NPAS2: variants seen among roughly 807,000 people sequenced by gnomAD.
NPAS2 encodes the protein neuronal PAS domain protein 2.
Under a neutral mutation model 107.5 loss-of-function variants are expected in NPAS2, and 23 were observed. The observed-to-expected ratio is 0.21, with a 90% CI of 0.15 to 0.30. The LOEUF (loss-of-function observed/expected upper bound fraction) is 0.30, where lower values mean the gene tolerates loss of function less well. NPAS2 is among the 10% of genes least tolerant of loss of function. The pLI, the probability that NPAS2 is intolerant of heterozygous loss-of-function variation, is 1.00. For synonymous variants in NPAS2, 403 were observed against 417.5 expected, an observed-to-expected ratio of 0.97 and a Z score of 0.42; for missense variants, 756 against 1,043.3, an observed-to-expected ratio of 0.72 and a Z score of 3.79.
intron 11 of NPAS2, among the ~76,000 whole-genome samples, chr2:100,969,675 A>C (rs941200799): frequency 6.6e-6 from 1 of 152,142 alleles, no homozygotes; most frequent in African/African-American, 2.4e-5. Context: ...TGTTGTCATC[A>C]TGCAAACACC....
chr2:100,917,691 T>A (rs868849518), intron 2 of NPAS2, among the ~76,000 whole-genome samples: 138 of 152,302 alleles, frequency 9.1e-4, no homozygotes, highest in African/African-American at 3.1e-3. Flanking sequence ...TAGAGCCGCA[T>A]AAAATCCAAC....
chr2:100,937,574 C>T (rs13017718), intron 4 of NPAS2, among the ~76,000 whole-genome samples, 179 bp from the exon 5 acceptor site: 6,670 of 152,332 alleles, frequency 0.044, 193 homozygotes, highest in Middle Eastern at 0.12. Flanking sequence ...GGGCCAGACA[C>T]ATTTTCTGTA....
intron 1 of NPAS2, among the ~76,000 whole-genome samples, chr2:100,821,932 C>T (rs1052791457): frequency 1.3e-5 from 2 of 152,208 alleles, no homozygotes; most frequent in Admixed American, 1.3e-4. Context: ...TGGTATCTCT[C>T]AGCAGTCTAC....
At chr2:100,977,851 G>C (rs750688537) in intron 15 of NPAS2, 52 bp downstream of exon 15, 1 of 1,478,018 alleles carries the variant, frequency 6.8e-7, no homozygotes, top group Non-Finnish European at 9.5e-7. Flanking sequence ...GAAGTCCGCA[G>C]TGTGCTGCGC....
intron 1 of NPAS2, chr2:100,821,152 T>A (rs1396113696): frequency 1.1e-5 from 15 of 1,304,662 alleles, no homozygotes; most frequent in Non-Finnish European, 1.3e-5. Flanking sequence ...CCCGGCTAAA[T>A]TCAGAACCAG....
intron 18 of NPAS2, 105 bp from the exon 19 acceptor site, chr2:100,990,675 A>G (rs889045871): frequency 2.6e-6 from 3 of 1,138,948 alleles, no homozygotes; most frequent in African/African-American, 1.5e-5. Flanking sequence ...TGGGGATTAG[A>G]GTCAACCATA....
In NPAS2 at chr2:100,965,793, T is replaced by TCCC. The variant is rs779754716; in HGVS notation, c.907+27_907+28insCCC. ...TGAGTACCACTGCCCAGCCCAGGCA[T>TCCC]GGGGGCCTTGCGTTCACTCCACTGG... On this transcript the variant is annotated intron_variant, in intron 10 of 20. Transcript: ENST00000335681. This position sits in a 1 kb window ranked among gnomAD's most constrained non-coding sequence, Gnocchi z 4.3. The TCCC allele has an allele frequency of 1.9e-5, 22 of 1,137,324 alleles. No homozygotes were observed. The Admixed American group carries it at 4.5e-4, about 23-fold the overall frequency. 70.5% of individuals were successfully genotyped at this position (1,137,324 alleles called of 1,614,324 possible). A position where few individuals can be genotyped will look rare whatever the true frequency, so the allele number is the denominator to read the frequency against.
chr2:100,937,891 T>C, intron 5 of NPAS2, 49 bp downstream of exon 5: 1 of 1,369,036 alleles, frequency 7.3e-7, no homozygotes, highest in South Asian at 1.2e-5. Context: ...ACCATGTTTC[T>C]GTTGAGAATC....
chr2:100,858,331 C>T lies in NPAS2; in HGVS notation c.-23+37917C>T, dbSNP rs1339295806. Among the ~76,000 whole-genome samples the T allele has an allele frequency of 2.0e-5, 3 of 152,186 alleles. No homozygotes were observed. The South Asian group carries it at 6.2e-4, about 32-fold the overall frequency. ...TGGTGATAATGGTTAGACTGGAATT[C>T]GAGTCTCTTGCCCTTGTCTCTCCCT... On this transcript the variant is annotated intron_variant, in intron 1 of 20. Coordinates refer to ENST00000335681, the MANE Select transcript of NPAS2 (RefSeq NM_002518.4).
chr2:100,931,222 G>A (rs1683932710), intron 3 of NPAS2, among the ~76,000 whole-genome samples: 2 of 152,152 alleles, frequency 1.3e-5, no homozygotes, highest in South Asian at 2.1e-4. Flanking sequence ...GTCGTTGGCT[G>A]CCTGACCATC....
intron 7 of NPAS2, among the ~76,000 whole-genome samples, chr2:100,957,673 TC>T (rs1675650459): frequency 6.6e-6 from 1 of 152,214 alleles, no homozygotes. Context: ...GCGCCTGTAA[TC>T]CCAGCACTTT....
intron 1 of NPAS2, among the ~76,000 whole-genome samples, chr2:100,891,939 C>T (rs565288933): frequency 3.9e-5 from 6 of 152,264 alleles, no homozygotes; most frequent in East Asian, 3.9e-4. Flanking sequence ...CTGTGGCAGC[C>T]GAACAGCGGT....
chr2:100,923,978 A>G (rs1162112597), intron 2 of NPAS2, among the ~76,000 whole-genome samples: 2 of 152,104 alleles, frequency 1.3e-5, no homozygotes, highest in African/African-American at 2.4e-5. Context: ...GGGTCCTCAG[A>G]GGTGCTTGGG....
chr2:100,820,191 G>T lies in NPAS2; in HGVS notation c.-246G>T. ...AGCCGGCCTCTCGCAGGAGCCGAGG[G>T]ACCCGCGCGGCTGCGGCCCAGGAGC... On this transcript the variant is annotated 5_prime_UTR_variant, in exon 1 of 21. Coordinates refer to ENST00000335681, the MANE Select transcript of NPAS2 (RefSeq NM_002518.4). This position sits in a 1 kb window ranked among gnomAD's most constrained non-coding sequence, Gnocchi z 5.6. The T allele has an allele frequency of 1.3e-5, 2 of 150,480 alleles. No individual in the cohort carries two copies. Among genetic ancestry groups the T allele is most frequent in the South Asian group, 3.6e-4 (2 of 5,506 alleles). 9.3% of individuals were successfully genotyped at this position (150,480 alleles called of 1,614,324 possible).
At chr2:100,871,865 TA>T (rs1679609245) in intron 1 of NPAS2, among the ~76,000 whole-genome samples, 1 of 152,094 alleles carries the variant, frequency 6.6e-6, no homozygotes, top group African/African-American at 2.4e-5. Context: ...GTTAGACGCT[TA>T]AAGTCTCTCC....
chr2:100,833,269 G>C (rs568570361), intron 1 of NPAS2, among the ~76,000 whole-genome samples: 1 of 152,328 alleles, frequency 6.6e-6, no homozygotes, highest in Non-Finnish European at 1.5e-5. Context: ...CCATGACTCA[G>C]TTTCTTCGTC....
intron 1 of NPAS2, among the ~76,000 whole-genome samples, chr2:100,851,756 A>G (rs1678188919): frequency 6.6e-6 from 1 of 152,210 alleles, no homozygotes; most frequent in Non-Finnish European, 1.5e-5. Context: ...AGGAATGAAA[A>G]CACAAAACAT....
chr2:100,851,307 C>T (rs1678160026), intron 1 of NPAS2, among the ~76,000 whole-genome samples: 1 of 152,142 alleles, frequency 6.6e-6, no homozygotes, highest in Admixed American at 6.5e-5. Context: ...TGTCTTTTAC[C>T]ACAATTTTTA....
chr2:100,833,085 T>C (rs1017575400), intron 1 of NPAS2, among the ~76,000 whole-genome samples: 5 of 152,206 alleles, frequency 3.3e-5, no homozygotes, highest in African/African-American at 1.2e-4. Context: ...ACCGTGGGTG[T>C]GCCAGCAGCA....
Sources: allele counts gnomAD v4.1 joint callset (sites outside exome capture counted in the v4.1 genomes callset), GRCh38; gene constraint gnomAD v4.1.1; non-coding constraint Gnocchi (gnomAD v3.1); transcripts MANE v1.5; gene names NCBI Gene and HGNC (gene_info 2026-07-23, HGNC 2026-07-21).